Variants in NOL7 observed in about 807,000 individuals in gnomAD.
NOL7 encodes nucleolar protein 7, also known as U3 small nucleolar RNA-associated protein NOL7.
NOL7 carries 36 observed loss-of-function variants against 38.4 expected under a neutral mutation model. The ratio of observed to expected loss-of-function variants is 0.94; its 90% CI spans 0.72 to 1.24. The LOEUF is 1.24. Ranked by LOEUF, NOL7 falls within the 50% of genes most tolerant of loss-of-function variation. NOL7 has a pLI of 0.00. For missense variants in NOL7, 350 were observed against 315.1 expected (o/e 1.11, Z -0.84); for synonymous variants, 142 against 126.5 (o/e 1.12, Z -0.82).
chr6:13,630,395 AAAGT>A (rs1163965316), intron 8 of NOL7, among the ~76,000 whole-genome samples: 1 of 152,236 alleles, frequency 6.6e-6, no homozygotes, highest in Non-Finnish European at 1.5e-5. Flanking sequence ...AATCAAACAC[AAAGT>A]AAGCTAATGG....
At chr6:13,629,596 G>C (rs1256225719) in intron 8 of NOL7, among the ~76,000 whole-genome samples, 2 of 152,110 alleles carry the variant, frequency 1.3e-5, no homozygotes, top group Non-Finnish European at 2.9e-5. Flanking sequence ...TGGTTCTCTT[G>C]CTACTTCAGT....
intron 8 of NOL7, among the ~76,000 whole-genome samples, chr6:13,629,917 CTCTCGTGTGT>C (rs1764730668): frequency 8.0e-6 from 1 of 124,444 alleles, no homozygotes; most frequent in Non-Finnish European, 1.7e-5. Flanking sequence ...CTCTCTCTCT[CTCTCGTGTGT>C]GTGTGTGTGT....
intron 5 of NOL7, among the ~76,000 whole-genome samples, chr6:13,618,568 G>A (rs1562290710): frequency 6.6e-6 from 1 of 152,182 alleles, no homozygotes; most frequent in Non-Finnish European, 1.5e-5. Context: ...TTAATTAGTA[G>A]TAATTTCAGA....
Position 13,615,484 on chromosome 6 carries a change from C to T in NOL7, c.126C>T (p.Ser42=). Residue 42 remains serine, a synonymous_variant, in exon 1 of 8, where the codon AGC becomes AGT. Coordinates refer to ENST00000451315, the MANE Select transcript of NOL7 (RefSeq NM_016167.5). ...EHGLLLGQPS[S]GAAAEPLEED... is the part of the protein sequence containing the mutation. ...GGCTGTTGCTCGGGCAGCCCAGCAGCGGCGCGGCCGCCGAGCCCCTGGAGG... is the reference window on the plus strand; with the variant it reads ...GGCTGTTGCTCGGGCAGCCCAGCAGTGGCGCGGCCGCCGAGCCCCTGGAGG... The T allele has an allele frequency of 6.4e-7, 1 of 1,551,750 alleles. No homozygotes were observed. The highest frequency in any genetic ancestry group is 1.2e-5 in the South Asian group (1 of 84,200).
At chr6:13,626,846 T>C (rs942605845) in intron 8 of NOL7, among the ~76,000 whole-genome samples, 5 of 152,226 alleles carry the variant, frequency 3.3e-5, no homozygotes, top group African/African-American at 1.2e-4. Flanking sequence ...ACTAGTGTTA[T>C]GAAAGCAGAG....
At position 13,620,200 on chromosome 6, in the gene NOL7, A is replaced by G. The variant is rs774653255; in HGVS notation, c.501-8A>G. The stretch of plus-strand genomic sequence containing the variant: ...AATTCTTATTTAACCTTTTATATTG[A>G]TCAACAGCCAGAATAAAAGCTACTT... On this transcript the variant is annotated splice_polypyrimidine_tract_variant and splice_region_variant and intron_variant, in intron 5 of 7. Coordinates refer to ENST00000451315, the MANE Select transcript of NOL7 (RefSeq NM_016167.5). The G allele has an allele frequency of 1.2e-6, 2 of 1,603,184 alleles. No homozygotes were observed. The highest frequency in any genetic ancestry group is 1.7e-6 in the Non-Finnish European group (2 of 1,177,126).
exon 9 of NOL7, chr6:13,632,443 C>T (rs770666534): frequency 6.2e-6 from 10 of 1,613,894 alleles, no homozygotes; most frequent in African/African-American, 2.7e-5. Flanking sequence ...TTGCAGCTCT[C>T]GTCCAAAGTG....
Position 13,615,731 on chromosome 6 carries a change from G to T in NOL7, c.286G>T (p.Glu96Ter). 6.2e-7 allele frequency: 1 copy of T among 1,614,190 alleles called. No individual in the cohort carries two copies. Among genetic ancestry groups the T allele is most frequent in the South Asian group, 1.1e-5 (1 of 91,084 alleles). ...TCCCAGGGATAAAACGCTCCTGAAGGAGAAGAGGAAGCGACGCGAGGAGCT... is the reference window on the plus strand; with the variant it reads ...TCCCAGGGATAAAACGCTCCTGAAGTAGAAGAGGAAGCGACGCGAGGAGCT... ...TVRRDKTLLK[E>*]KRKRREELFI... The change falls in exon 2 of 8, where the codon GAG becomes TAG. Residue 96 changes from glutamate to a stop codon, truncating the protein, a stop_gained. Transcript: ENST00000451315. LOFTEE classifies it high-confidence loss of function.
intron 3 of NOL7, among the ~76,000 whole-genome samples, chr6:13,617,254 C>CA (rs1446467048): frequency 1.3e-5 from 2 of 151,804 alleles, no homozygotes; most frequent in Admixed American, 6.6e-5. Flanking sequence ...TGCCCCCCCC[C>CA]ACCTCCCATC....
downstream of NOL7, among the ~76,000 whole-genome samples, chr6:13,624,958 C>T (rs570877034): frequency 3.3e-4 from 50 of 152,226 alleles, no homozygotes; most frequent in African/African-American, 1.1e-3. Context: ...TAGGCTGCTG[C>T]TACCCATTGC....
At chr6:13,622,454 C>T (rs774169568), downstream of NOL7, 2 of 1,599,168 alleles carry the variant, frequency 1.3e-6, no homozygotes, top group Admixed American at 1.8e-5. Flanking sequence ...TGTCCCATTG[C>T]TAGGGCAAGT....
At chr6:13,622,221 T>TA (rs1415362685), downstream of NOL7, 2 of 813,664 alleles carry the variant, frequency 2.5e-6, no homozygotes, top group Non-Finnish European at 3.4e-6. Context: ...CATCATGCTG[T>TA]AAACTAGGAA....
At chr6:13,627,882 GACT>G (rs1217830562) in intron 8 of NOL7, among the ~76,000 whole-genome samples, 1 of 151,618 alleles carries the variant, frequency 6.6e-6, no homozygotes, top group African/African-American at 2.4e-5. Flanking sequence ...CTTAAATTAA[GACT>G]ACACTGTCTA....
At chr6:13,624,824 C>T (rs188813209), downstream of NOL7, among the ~76,000 whole-genome samples, 22 of 152,220 alleles carry the variant, frequency 1.4e-4, no homozygotes, top group East Asian at 1.9e-4. Context: ...TAGTTGAATC[C>T]GGCTAATATA....
In NOL7 at chr6:13,620,348, A is replaced by G. The variant is rs114687614; in HGVS notation, c.622+19A>G. 1.4e-3 allele frequency: 2,180 copies of G among 1,613,452 alleles called. 24 individuals carry two copies. In the African/African-American group the frequency reaches 0.024, roughly 18 times the overall value. On this transcript the variant is annotated intron_variant, in intron 6 of 7. Transcript: ENST00000451315. ...ACTACTGGTAATTTTTTTATGGACT[A>G]TTTTTCTCACTTTTTACTGCAAATA...
intron 2 of NOL7, among the ~76,000 whole-genome samples, chr6:13,616,119 C>T (rs573776514): frequency 6.6e-6 from 1 of 152,286 alleles, no homozygotes; most frequent in East Asian, 1.9e-4. Flanking sequence ...GATTTGTAAA[C>T]TGTAAGGGCT....
At chr6:13,617,932 T>C (rs1305024696) in intron 4 of NOL7, 126 bp from the exon 5 acceptor site, 4 of 1,017,762 alleles carry the variant, frequency 3.9e-6, no homozygotes, top group Non-Finnish European at 6.1e-6. Context: ...GCCTATTCCC[T>C]GTATTTCATA....
chr6:13,625,653 C>CATT, downstream of NOL7: 1 of 1,593,348 alleles, frequency 6.3e-7, no homozygotes, highest in South Asian at 1.1e-5. Flanking sequence ...CTTTACTTAC[C>CATT]TAATATTGCA....
intron 8 of NOL7, among the ~76,000 whole-genome samples, chr6:13,628,243 G>A (rs1052914091): frequency 1.3e-5 from 2 of 152,130 alleles, no homozygotes; most frequent in African/African-American, 4.8e-5. Flanking sequence ...TTTTTCTCTG[G>A]TATTTCATTT....
Sources: gnomAD v4.1 joint callset for allele counts (sites outside exome capture counted in the v4.1 genomes callset) on GRCh38, gnomAD v4.1.1 for gene constraint, MANE v1.5 for transcripts, NCBI Gene and HGNC (gene_info 2026-07-23, HGNC 2026-07-21) for gene names.